FLI1: variants seen among roughly 807,000 people sequenced by gnomAD.
FLI1 encodes the protein Fli-1 proto-oncogene, ETS transcription factor.
In FLI1, 13 loss-of-function variants were observed where a neutral mutation model predicts 53.1. The ratio of observed to expected loss-of-function variants is 0.24; its 90% confidence interval spans 0.16 to 0.39. FLI1 has a LOEUF of 0.39. Ranked by LOEUF, FLI1 falls within the 10% of genes least tolerant of loss-of-function variation. FLI1 has a pLI of 1.00. For synonymous variants in FLI1, 244 were observed against 236.7 expected (o/e 1.03, Z -0.28); for missense variants, 424 against 600.5 (o/e 0.71, Z 3.07).
chr11:128,724,981 G>T (rs1173570127), intron 1 of FLI1, among the ~76,000 whole-genome samples: 2 of 152,176 alleles, frequency 1.3e-5, no homozygotes, highest in Non-Finnish European at 2.9e-5. Context: ...CCAGAATGGG[G>T]CTGACAGCGT....
intron 1 of FLI1, among the ~76,000 whole-genome samples, chr11:128,694,582 A>T (rs112365430): frequency 0.033 from 1 of 30 alleles, no homozygotes; most frequent in Non-Finnish European, 0.045. Context: ...GGGGGACCCC[A>T]GGGTACGGAA....
chr11:128,740,268 G>A (rs925851045), intron 1 of FLI1, among the ~76,000 whole-genome samples: 1 of 152,202 alleles, frequency 6.6e-6, no homozygotes, highest in Non-Finnish European at 1.5e-5. Flanking sequence ...GGACCCACAC[G>A]GGCCTGAAAG....
chr11:128,712,258 C>T (rs1938812388), intron 1 of FLI1, among the ~76,000 whole-genome samples: 1 of 152,204 alleles, frequency 6.6e-6, no homozygotes, highest in Admixed American at 6.5e-5. Flanking sequence ...GACACGCTGG[C>T]TCCCCATTCA....
intron 1 of FLI1, among the ~76,000 whole-genome samples, chr11:128,739,432 C>T (rs1486860860): frequency 6.6e-6 from 1 of 152,108 alleles, no homozygotes; most frequent in Non-Finnish European, 1.5e-5. Context: ...CTCAACCCCC[C>T]TGCCCCACCC....
chr11:128,685,284 G>A (rs1865781107), upstream of FLI1, among the ~76,000 whole-genome samples: 1 of 152,190 alleles, frequency 6.6e-6, no homozygotes, highest in African/African-American at 2.4e-5. Flanking sequence ...TGGGAGCTCT[G>A]GGCACACAGG....
intron 6 of FLI1, 163 bp from the exon 7 acceptor site, chr11:128,807,017 C>T (rs942638970): frequency 2.4e-6 from 1 of 417,836 alleles, no homozygotes; most frequent in Non-Finnish European, 4.2e-6. Flanking sequence ...AGAACAGGGC[C>T]AGCACATAGT....
intron 5 of FLI1, among the ~76,000 whole-genome samples, chr11:128,783,684 A>G (rs1941994202): frequency 6.6e-6 from 1 of 152,180 alleles, no homozygotes. Flanking sequence ...TGAGAAAACC[A>G]CTTCAGGCCC....
Position 128,811,213 on chromosome 11 carries a change from G to T in FLI1, c.*225G>T. On this transcript the variant is annotated 3_prime_UTR_variant, in exon 9 of 9. Coordinates refer to ENST00000527786, the MANE Select transcript of FLI1 (RefSeq NM_002017.5). Reference sequence around the variant, plus strand: ...GATGAATAATTCCATGGGCCAGTATGCCAGTTTGAATTCTCAGTCTCCTAG... The same window carrying T: ...GATGAATAATTCCATGGGCCAGTATTCCAGTTTGAATTCTCAGTCTCCTAG... The T allele has an allele frequency of 5.3e-6, 3 of 563,070 alleles. No homozygotes were observed. Among genetic ancestry groups the T allele is most frequent in the Non-Finnish European group, 9.4e-6 (3 of 319,898 alleles). 34.9% of individuals were successfully genotyped at this position (563,070 alleles called of 1,614,324 possible). A position where few individuals can be genotyped will look rare whatever the true frequency, so the allele number is the denominator to read the frequency against.
intron 1 of FLI1, among the ~76,000 whole-genome samples, chr11:128,733,138 A>G (rs1390340426): frequency 6.6e-6 from 1 of 151,510 alleles, no homozygotes; most frequent in Non-Finnish European, 1.5e-5. Context: ...CGCACAATGC[A>G]GTCTGCAGCG....
intron 1 of FLI1, among the ~76,000 whole-genome samples, chr11:128,753,295 C>T (rs1319261436): frequency 6.6e-6 from 1 of 152,240 alleles, no homozygotes; most frequent in Non-Finnish European, 1.5e-5. Context: ...GGAGCCCACG[C>T]CTCCTGTCTT....
chr11:128,716,965 G>A (rs1939040469), intron 1 of FLI1, among the ~76,000 whole-genome samples: 1 of 152,200 alleles, frequency 6.6e-6, no homozygotes. Context: ...TTCATCCTAA[G>A]GAGGTAGGAC....
intron 1 of FLI1, among the ~76,000 whole-genome samples, chr11:128,699,510 G>T (rs1326347221): frequency 6.6e-6 from 1 of 152,128 alleles, no homozygotes; most frequent in East Asian, 1.9e-4. Flanking sequence ...CCTTCAACCA[G>T]CCACAATAGC....
At chr11:128,700,080 A>T (rs1938259453) in intron 1 of FLI1, among the ~76,000 whole-genome samples, 1 of 152,202 alleles carries the variant, frequency 6.6e-6, no homozygotes, top group Admixed American at 6.5e-5. Flanking sequence ...CTGAGAAAAG[A>T]AAGGATGATT....
chr11:128,761,996 C>T (rs2135817911), intron 2 of FLI1, among the ~76,000 whole-genome samples: 1 of 152,210 alleles, frequency 6.6e-6, no homozygotes, highest in South Asian at 2.1e-4. Context: ...AGCTTAGGCA[C>T]AGCTATCGCC....
rs147108453 is a variant in FLI1 at position 128,702,648 on chromosome 11, G to A, written c.18+8372G>A. Among the ~76,000 whole-genome samples, 637 of 152,298 alleles carry A rather than the reference G, an allele frequency of 4.2e-3. 4 individuals carry two copies. Among genetic ancestry groups the A allele is most frequent in the African/African-American group, 0.015 (605 of 41,554 alleles). On this transcript the variant is annotated intron_variant, in intron 1 of 8. Transcript: ENST00000527786. ...AGGCCAAGGCGGGTGGATCACCTGA[G>A]GTCAGGAGTTCAAGACCAGCCTGGC...
chr11:128,793,711 C>T (rs1327144531), intron 5 of FLI1, among the ~76,000 whole-genome samples: 2 of 152,210 alleles, frequency 1.3e-5, no homozygotes, highest in Non-Finnish European at 2.9e-5. Flanking sequence ...CTGAATAAAT[C>T]AAGACCCTCA....
At chr11:128,749,974 G>T (rs1025815596) in intron 1 of FLI1, among the ~76,000 whole-genome samples, 2 of 152,228 alleles carry the variant, frequency 1.3e-5, no homozygotes, top group African/African-American at 4.8e-5. Flanking sequence ...TGCAGAGCCT[G>T]CTGGTTTCCC....
chr11:128,764,440 T>G (rs958436671), intron 2 of FLI1, among the ~76,000 whole-genome samples: 2 of 152,212 alleles, frequency 1.3e-5, no homozygotes, highest in South Asian at 2.1e-4. Context: ...TATTACACCC[T>G]TGGGGCCACC....
chr11:128,787,073 T>C (rs1942109926), intron 5 of FLI1, among the ~76,000 whole-genome samples: 1 of 152,178 alleles, frequency 6.6e-6, no homozygotes, highest in African/African-American at 2.4e-5. Flanking sequence ...GGGGAGAAAC[T>C]ACCTTTCTGT....
Sources: allele counts gnomAD v4.1 joint callset (sites outside exome capture counted in the v4.1 genomes callset), GRCh38; gene constraint gnomAD v4.1.1; transcripts MANE v1.5; gene names NCBI Gene and HGNC (gene_info 2026-07-23, HGNC 2026-07-21).